Variants in THSD7B observed in about 807,000 individuals in gnomAD.
THSD7B encodes the protein thrombospondin type 1 domain containing 7B, also known as thrombospondin type-1 domain-containing protein 7B.
In THSD7B, 138 loss-of-function variants were observed where a neutral mutation model predicts 213.6. The observed-to-expected ratio is 0.65, with a 90% CI of 0.56 to 0.74. The LOEUF is 0.74. Among genes scored for constraint, THSD7B ranks in the 30% least tolerant of loss-of-function variants. The probability of loss-of-function intolerance (pLI) is 0.00; values close to 1 mark genes in which losing one functional copy is unlikely to be tolerated. For missense variants in THSD7B, 1,931 were observed against 1,991.5 expected (o/e 0.97, Z 0.58); for synonymous variants, 742 against 687.0 (o/e 1.08, Z -1.25).
chr2:137,017,164 C>T (rs1307643842), intron 2 of THSD7B, among the ~76,000 whole-genome samples: 2 of 151,906 alleles, frequency 1.3e-5, no homozygotes, highest in Non-Finnish European at 2.9e-5. Flanking sequence ...TGCATTTTAG[C>T]ACTGTGGATG....
chr2:137,563,176 G>GGCTATT, intron 15 of THSD7B, 45 bp from the exon 16 acceptor site: 1 of 1,594,506 alleles, frequency 6.3e-7, no homozygotes, highest in Middle Eastern at 1.7e-4. Flanking sequence ...TTTTCTATAA[G>GGCTATT]TTGGATAGTT....
Position 137,618,441 on chromosome 2 carries a change from C to T in THSD7B, c.3615C>T (p.Val1205=). Residue 1205 remains valine, a synonymous_variant, in exon 19 of 28, where the codon GTC becomes GTT. Coordinates refer to ENST00000409968, the MANE Select transcript of THSD7B (RefSeq NM_001316349.2). ...LSENAPCGQG[V]RTRLLSCVCS... ...AAAACGCACCCTGTGGTCAAGGCGT[C>T]AGGACCCGCCTGCTAAGCTGTGTGT... is the stretch of plus-strand genomic sequence containing the variant. The T allele has an allele frequency of 6.2e-7, 1 of 1,613,874 alleles. No individual in the cohort carries two copies. Among genetic ancestry groups the T allele is most frequent in the Non-Finnish European group, 8.5e-7 (1 of 1,179,870 alleles).
intron 2 of THSD7B, among the ~76,000 whole-genome samples, chr2:136,989,483 C>T (rs779642010): frequency 4.6e-5 from 7 of 152,132 alleles, no homozygotes; most frequent in Non-Finnish European, 1.0e-4. Flanking sequence ...TTGCCTTTTG[C>T]CCTGACTGTA....
intron 1 of THSD7B, among the ~76,000 whole-genome samples, chr2:136,838,850 A>T (rs778197): frequency 0.83 from 125,557 of 152,142 alleles, 52,084 homozygotes; most frequent in Non-Finnish European, 0.87. Flanking sequence ...GTATAAAATC[A>T]TCATTTCCTG....
chr2:137,373,654 T>C (rs1685585709), intron 12 of THSD7B, among the ~76,000 whole-genome samples: 1 of 152,244 alleles, frequency 6.6e-6, no homozygotes, highest in Non-Finnish European at 1.5e-5. Context: ...AGGTTGCCTG[T>C]TCACTCTGAT....
At chr2:136,823,810 CA>C (rs1190364219) in intron 1 of THSD7B, among the ~76,000 whole-genome samples, 143 of 152,204 alleles carry the variant, frequency 9.4e-4, no homozygotes, top group Middle Eastern at 3.4e-3. Context: ...ACTAAATTAA[CA>C]AAGAAGATCT....
intron 10 of THSD7B, among the ~76,000 whole-genome samples, chr2:137,268,414 T>C (rs1408753858): frequency 6.6e-6 from 1 of 151,944 alleles, no homozygotes. Flanking sequence ...TTTGGTTTTC[T>C]GTCCTTGTGA....
rs1558880953 is a variant in THSD7B, at chr2:136,996,306, C to CTGTCT, written c.140-60114_140-60113insTGTCT. Among the ~76,000 whole-genome samples, 28 of 151,422 alleles carry CTGTCT rather than the reference C, an allele frequency of 1.8e-4. No individual in the cohort carries two copies. In the East Asian group the frequency reaches 5.5e-3, roughly 30 times the overall value. On this transcript the variant is annotated intron_variant, in intron 2 of 27. Coordinates refer to ENST00000409968, the MANE Select transcript of THSD7B (RefSeq NM_001316349.2). Reference sequence around the variant, plus strand: ...AGTCAGACTGGTCTCTCTCTCTGTCCCTGTCTCTTTCTTTCTTTCTTTTTC... The same window carrying CTGTCT: ...AGTCAGACTGGTCTCTCTCTCTGTCCTGTCTCTGTCTCTTTCTTTCTTTCTTTTTC...
intron 3 of THSD7B, among the ~76,000 whole-genome samples, chr2:137,079,160 T>C (rs1376620786): frequency 6.6e-6 from 1 of 151,946 alleles, no homozygotes; most frequent in African/African-American, 2.4e-5. Flanking sequence ...CTCAAAAAAA[T>C]AAATCTGTAA....
At chr2:137,325,897 A>G (rs908465451) in intron 12 of THSD7B, among the ~76,000 whole-genome samples, 1 of 152,166 alleles carries the variant, frequency 6.6e-6, no homozygotes, top group Non-Finnish European at 1.5e-5. Context: ...CACAACCCCA[A>G]ACTTCTCATT....
intron 12 of THSD7B, among the ~76,000 whole-genome samples, chr2:137,399,346 C>G (rs1177131450): frequency 6.6e-6 from 1 of 152,056 alleles, no homozygotes; most frequent in African/African-American, 2.4e-5. Flanking sequence ...GTATGCGCAG[C>G]CACGCCTGGC....
intron 2 of THSD7B, among the ~76,000 whole-genome samples, chr2:137,034,388 G>A (rs956770223): frequency 4.6e-5 from 7 of 151,984 alleles, no homozygotes; most frequent in African/African-American, 1.7e-4. Flanking sequence ...ACAAGCGTGA[G>A]CCACCACACC....
At chr2:137,057,389 A>G (rs1478881391) in intron 3 of THSD7B, among the ~76,000 whole-genome samples, 159 bp downstream of exon 3, 1 of 152,176 alleles carries the variant, frequency 6.6e-6, no homozygotes, top group Non-Finnish European at 1.5e-5. Flanking sequence ...TTTCACTGGG[A>G]GGTTTTCAAA....
chr2:137,029,470 A>G (rs865951252), intron 2 of THSD7B, among the ~76,000 whole-genome samples: 3 of 152,196 alleles, frequency 2.0e-5, no homozygotes, highest in Admixed American at 6.5e-5. Context: ...ATTTTTTCAC[A>G]TCTTAAAATT....
intron 2 of THSD7B, among the ~76,000 whole-genome samples, chr2:136,920,093 G>T (rs2105033279): frequency 1.3e-5 from 2 of 152,366 alleles, no homozygotes; most frequent in South Asian, 4.1e-4. Flanking sequence ...CACATGGCAA[G>T]TAAGTGGGGG....
intron 12 of THSD7B, among the ~76,000 whole-genome samples, chr2:137,402,853 C>A (rs1686403362): frequency 6.7e-6 from 1 of 149,106 alleles, no homozygotes; most frequent in African/African-American, 2.5e-5. Flanking sequence ...TTTCACATAG[C>A]AATGCTTTTG....
intron 15 of THSD7B, among the ~76,000 whole-genome samples, chr2:137,554,220 G>A (rs1680905724): frequency 6.6e-6 from 1 of 152,074 alleles, no homozygotes; most frequent in Non-Finnish European, 1.5e-5. Context: ...AGAGAATTAA[G>A]TGAGGAGCGT....
At chr2:137,074,720 G>T (rs1380976279) in intron 3 of THSD7B, among the ~76,000 whole-genome samples, 2 of 152,158 alleles carry the variant, frequency 1.3e-5, no homozygotes, top group African/African-American at 4.8e-5. Flanking sequence ...GCAGTGGCTG[G>T]TTCCGGTTGT....
At chr2:137,077,745 G>A (rs1254059254) in intron 3 of THSD7B, among the ~76,000 whole-genome samples, 2 of 149,660 alleles carry the variant, frequency 1.3e-5, no homozygotes, top group African/African-American at 2.5e-5. Context: ...AGATGAGTAG[G>A]TTGCAAAAAT....
Sources: allele counts gnomAD v4.1 joint callset (sites outside exome capture counted in the v4.1 genomes callset), GRCh38; gene constraint gnomAD v4.1.1; transcripts MANE v1.5; gene names NCBI Gene and HGNC (gene_info 2026-07-23, HGNC 2026-07-21).